Variants in MCF2L2 observed in about 807,000 individuals in gnomAD.
The protein encoded by MCF2L2 is probable guanine nucleotide exchange factor MCF2L2.
In MCF2L2, 102 loss-of-function variants were observed where a neutral mutation model predicts 150.2. The ratio of observed to expected loss-of-function variants is 0.68; its 90% CI spans 0.58 to 0.80. The LOEUF (loss-of-function observed/expected upper bound fraction) is 0.80, where lower values mean the gene tolerates loss of function less well. Ranked by LOEUF, MCF2L2 falls within the 30% of genes least tolerant of loss-of-function variation. The pLI, the probability that MCF2L2 is intolerant of heterozygous loss-of-function variation, is 0.00. For missense variants in MCF2L2, 1,256 were observed against 1,372.8 expected, an observed-to-expected ratio of 0.91 and a Z score of 1.34; for synonymous variants, 465 against 491.3, an observed-to-expected ratio of 0.95 and a Z score of 0.71.
chr3:183,400,874 A>C (rs1413564814), intron 1 of MCF2L2, among the ~76,000 whole-genome samples: 1 of 152,164 alleles, frequency 6.6e-6, no homozygotes, highest in Non-Finnish European at 1.5e-5. Context: ...ATAAAAACTT[A>C]TTCCAGGCCA....
intron 17 of MCF2L2, among the ~76,000 whole-genome samples, chr3:183,228,860 C>T (rs1315579687): frequency 6.6e-6 from 1 of 152,162 alleles, no homozygotes. Context: ...ATAAGCCAGG[C>T]ATAAGCTAAG....
chr3:183,371,580 G>A (rs547255739), intron 3 of MCF2L2, among the ~76,000 whole-genome samples: 22 of 148,984 alleles, frequency 1.5e-4, no homozygotes, highest in Non-Finnish European at 2.8e-4. Flanking sequence ...CAATTCCCCT[G>A]TCTCAGCCTC....
intron 21 of MCF2L2, among the ~76,000 whole-genome samples, chr3:183,216,431 T>C (rs1560347011): frequency 7.0e-6 from 1 of 142,066 alleles, no homozygotes; most frequent in African/African-American, 2.6e-5. Context: ...ATATATATTA[T>C]ATAAATATTT....
At chr3:183,403,434 A>G (rs1486983271) in intron 1 of MCF2L2, among the ~76,000 whole-genome samples, 3 of 152,150 alleles carry the variant, frequency 2.0e-5, no homozygotes, top group Non-Finnish European at 4.4e-5. Flanking sequence ...AAGCAATTCC[A>G]CTCTTCAATT....
At chr3:183,350,517 G>A (rs929191434) in intron 3 of MCF2L2, among the ~76,000 whole-genome samples, 1 of 152,090 alleles carries the variant, frequency 6.6e-6, no homozygotes, top group African/African-American at 2.4e-5. Flanking sequence ...CTATGAGGTT[G>A]GTGATAACAT....
At position 183,311,632 on chromosome 3, in the gene MCF2L2, C is replaced by T; in HGVS notation, c.878+16G>A. 1 of 1,613,388 alleles carries T rather than the reference C, an allele frequency of 6.2e-7. No individual in the cohort carries two copies. Among genetic ancestry groups the T allele is most frequent in the African/African-American group, 1.3e-5 (1 of 74,916 alleles). Reference sequence around the variant, plus strand: ...TATTCTCTCCTGAAAAGGCTGATTCCACTTCACTCACTCACCTTTCCATGG... The same window carrying T: ...TATTCTCTCCTGAAAAGGCTGATTCTACTTCACTCACTCACCTTTCCATGG... On this transcript the variant is annotated intron_variant, in intron 8 of 29. Transcript: ENST00000328913.
rs889503311 is a variant in MCF2L2 at position 183,428,254 on chromosome 3, A to G, written c.-277T>C. The stretch of plus-strand genomic sequence containing the variant: ...TTCTGCAAAAGGAAGCAAGTCGCCA[A>G]TCTCGCCGGAACCGCGCCCCGGCTC... On this transcript the variant is annotated 5_prime_UTR_variant, in exon 1 of 30. Coordinates refer to ENST00000328913, the MANE Select transcript of MCF2L2 (RefSeq NM_015078.4). This position sits in a 1 kb window ranked among gnomAD's most constrained non-coding sequence, Gnocchi z 5.1. 8.3e-5 allele frequency: 33 copies of G among 399,582 alleles called. No individual in the cohort carries two copies. In the Admixed American group the frequency reaches 1.5e-3, roughly 18 times the overall value. 24.8% of individuals were successfully genotyped at this position (399,582 alleles called of 1,614,324 possible). A position where few individuals can be genotyped will look rare whatever the true frequency, so the allele number is the denominator to read the frequency against.
chr3:183,310,760 G>C, intron 9 of MCF2L2, 155 bp downstream of exon 9: 2 of 600,094 alleles, frequency 3.3e-6, no homozygotes, highest in Non-Finnish European at 6.0e-6. Context: ...AAGTGAGAAG[G>C]GGGTTGGAGG....
At chr3:183,315,979 C>T (rs1344299539) in intron 7 of MCF2L2, among the ~76,000 whole-genome samples, 2 of 152,228 alleles carry the variant, frequency 1.3e-5, no homozygotes, top group African/African-American at 2.4e-5. Flanking sequence ...AAGAACGCAC[C>T]GTGCTCATGA....
chr3:183,408,685 G>T (rs1387760489), intron 1 of MCF2L2, among the ~76,000 whole-genome samples: 1 of 152,198 alleles, frequency 6.6e-6, no homozygotes, highest in Non-Finnish European at 1.5e-5. Context: ...GAAAGAGAAA[G>T]CTAAAATGAA....
chr3:183,418,057 G>A (rs1469642381), intron 1 of MCF2L2, among the ~76,000 whole-genome samples: 2 of 152,094 alleles, frequency 1.3e-5, no homozygotes, highest in Non-Finnish European at 2.9e-5. Flanking sequence ...GTGTGGTGGT[G>A]CGCACCTATA....
At chr3:183,370,107 G>A (rs6765654) in intron 3 of MCF2L2, among the ~76,000 whole-genome samples, 42,132 of 152,104 alleles carry the variant, frequency 0.28, 8,265 homozygotes, top group African/African-American at 0.55. Context: ...CAGGTCCCCG[G>A]TGAAACCCCC....
At chr3:183,427,342 T>C (rs1465892749) in intron 1 of MCF2L2, among the ~76,000 whole-genome samples, 1 of 152,218 alleles carries the variant, frequency 6.6e-6, no homozygotes, top group Non-Finnish European at 1.5e-5. Context: ...CTCAGTCTCC[T>C]TGGCTTGCAG....
rs1195009688 is a variant in MCF2L2, at chr3:183,199,250, G to C, written c.2885-3995C>G. ...ATTCCTGCTATCTCTAAAGAAAAAA[G>C]TTATCTTTTCATTTTTATGTGATTT... On this transcript the variant is annotated intron_variant, in intron 25 of 29. Coordinates refer to ENST00000328913, the MANE Select transcript of MCF2L2 (RefSeq NM_015078.4). Among the ~76,000 whole-genome samples, 3 of 152,054 alleles carry C rather than the reference G, an allele frequency of 2.0e-5. No individual in the cohort carries two copies. The East Asian group carries it at 5.8e-4, about 29-fold the overall frequency.
Position 183,360,838 on chromosome 3 carries a change from G to A in MCF2L2, c.275+18459C>T, listed in dbSNP as rs367600678. Among the ~76,000 whole-genome samples, 73 of 151,752 alleles carry A rather than the reference G, an allele frequency of 4.8e-4. No homozygotes were observed. The South Asian group carries it at 0.014, about 29-fold the overall frequency. ...TAGAAAATTAGCCGAGTGTGGTGGC[G>A]CATGCTTATAATCCCAGCTACTCAT... On this transcript the variant is annotated intron_variant, in intron 3 of 29. Transcript: ENST00000328913.
At position 183,301,793 on chromosome 3, in the gene MCF2L2, C is replaced by CAAAAAAAAAAA. The variant is rs200514561; in HGVS notation, c.1114-1608_1114-1598dup. ...CTGGGTGAGAGCTAGGCTCTGTCTC[C>CAAAAAAAAAAA]AAAAAAAAAAAAAAAAGAGAAAAGA... On this transcript the variant is annotated intron_variant, in intron 10 of 29. Coordinates refer to ENST00000328913, the MANE Select transcript of MCF2L2 (RefSeq NM_015078.4). Among the ~76,000 whole-genome samples the CAAAAAAAAAAA allele has an allele frequency of 4.8e-4, 60 of 124,318 alleles. 1 individual carries two copies. Among genetic ancestry groups the CAAAAAAAAAAA allele is most frequent in the African/African-American group, 1.6e-3 (53 of 33,202 alleles). The allele number at this position is 124,318 out of a possible 152,430, so 81.6% of individuals were successfully genotyped here.
chr3:183,206,252 G>A lies in MCF2L2; in HGVS notation c.2713-38C>T, dbSNP rs183051515. ...GGGAAGAGAAATGTTCTATACCATC[G>A]TTTTCTGATTTTAAAATAGTCCCTG... On this transcript the variant is annotated intron_variant, in intron 23 of 29. Transcript: ENST00000328913. 2,876 of 1,431,556 alleles carry A rather than the reference G, an allele frequency of 2.0e-3. 9 individuals carry two copies. The highest frequency in any genetic ancestry group is 1.5e-3 in the Non-Finnish European group (1,558 of 1,013,674). 88.7% of individuals were successfully genotyped at this position (1,431,556 alleles called of 1,614,324 possible).
At chr3:183,333,414 T>C (rs1730345942) in intron 5 of MCF2L2, among the ~76,000 whole-genome samples, 1 of 152,142 alleles carries the variant, frequency 6.6e-6, no homozygotes, top group Non-Finnish European at 1.5e-5. Flanking sequence ...TTATAGATAG[T>C]AATAAATTTG....
intron 2 of MCF2L2, among the ~76,000 whole-genome samples, chr3:183,383,220 ATTTATTTT>A: frequency 6.7e-6 from 1 of 148,938 alleles, no homozygotes; most frequent in East Asian, 2.0e-4. Context: ...ATATTTATTT[ATTTATTTT>A]ATTTATTTAT....
Sources: allele counts gnomAD v4.1 joint callset (sites outside exome capture counted in the v4.1 genomes callset), GRCh38; gene constraint gnomAD v4.1.1; non-coding constraint Gnocchi (gnomAD v3.1); transcripts MANE v1.5; gene names NCBI Gene and HGNC (gene_info 2026-07-23, HGNC 2026-07-21).